Variants in ADTRP observed in about 807,000 individuals in gnomAD.
ADTRP encodes the protein androgen dependent TFPI regulating protein.
ADTRP carries 20 observed loss-of-function variants against 27.0 expected under a neutral mutation model. The observed-to-expected ratio is 0.74, with a 90% CI of 0.52 to 1.08. ADTRP has a LOEUF of 1.08. Ranked by LOEUF, ADTRP falls within the 50% of genes least tolerant of loss-of-function variation. The pLI is 0.00. For synonymous variants in ADTRP, 101 were observed against 105.2 expected, an observed-to-expected ratio of 0.96 and a Z score of 0.25; for missense variants, 251 against 275.0, an observed-to-expected ratio of 0.91 and a Z score of 0.62.
At chr6:11,722,886 G>A (rs1457963768) in intron 5 of ADTRP, among the ~76,000 whole-genome samples, 2 of 152,146 alleles carry the variant, frequency 1.3e-5, no homozygotes, top group African/African-American at 4.8e-5. Context: ...GCCTAATGAG[G>A]TACTGCTGAG....
chr6:11,735,712 T>C (rs886226430), intron 3 of ADTRP, 29 bp from the exon 4 acceptor site: 4 of 1,513,474 alleles, frequency 2.6e-6, no homozygotes, highest in African/African-American at 1.4e-5. Flanking sequence ...CAAATCAGAA[T>C]GGCAGGGTGT....
chr6:11,770,211 C>G (rs1763724280), intron 1 of ADTRP: 2 of 840,104 alleles, frequency 2.4e-6, no homozygotes, highest in South Asian at 1.5e-5. Context: ...CACAAACCAC[C>G]GCTGCCTGGT....
At chr6:11,717,847 A>G in intron 5 of ADTRP, among the ~76,000 whole-genome samples, 1 of 152,248 alleles carries the variant, frequency 6.6e-6, no homozygotes, top group East Asian at 1.9e-4. Context: ...AGGACAAGAA[A>G]GGCAAAATGG....
chr6:11,769,534 C>T (rs149306352), intron 1 of ADTRP, among the ~76,000 whole-genome samples: 1 of 152,108 alleles, frequency 6.6e-6, no homozygotes, highest in Non-Finnish European at 1.5e-5. Flanking sequence ...GAATCAAAAT[C>T]TCTGGAAATG....
intron 3 of ADTRP, chr6:11,754,962 C>T: frequency 2.2e-6 from 2 of 917,326 alleles, no homozygotes; most frequent in Non-Finnish European, 2.6e-6. Flanking sequence ...TGGCTCTTTC[C>T]TTCCACTTAG....
intron 3 of ADTRP, among the ~76,000 whole-genome samples, chr6:11,758,581 G>T (rs1001897258): frequency 2.5e-5 from 3 of 119,752 alleles, no homozygotes; most frequent in South Asian, 4.0e-4. Flanking sequence ...GGGGTGGGGG[G>T]GGGGGACGGA....
intron 1 of ADTRP, 125 bp from the exon 2 acceptor site, chr6:11,768,508 T>C: frequency 3.1e-6 from 4 of 1,299,940 alleles, no homozygotes; most frequent in Non-Finnish European, 4.2e-6. Flanking sequence ...TTGGGTTGTT[T>C]TGGTTGAGAG....
In ADTRP at chr6:11,714,505, C is replaced by A; in HGVS notation, c.666G>T (p.Met222Ile). The part of the protein sequence containing the change: ...EKLNHWKWGD[M>I]RQPRKKRK ...ACTTCCTCTTCTTCCGTGGCTGCCT[C>A]ATGTCACCTGTACAAACAAGAACAG... Residue 222 changes from methionine (M) to isoleucine (I), a missense_variant, in exon 6 of 6, where the codon ATG becomes ATT. Met to Ile is a conservative substitution (Grantham distance 10). Coordinates refer to ENST00000414691, the MANE Select transcript of ADTRP (RefSeq NM_032744.4). 1 of 1,613,764 alleles carries A rather than the reference C, an allele frequency of 6.2e-7. No individual in the cohort carries two copies. Among genetic ancestry groups the A allele is most frequent in the Non-Finnish European group, 8.5e-7 (1 of 1,179,912 alleles).
chr6:11,742,465 G>A (rs990411905), intron 3 of ADTRP, among the ~76,000 whole-genome samples: 1 of 152,158 alleles, frequency 6.6e-6, no homozygotes, highest in Non-Finnish European at 1.5e-5. Flanking sequence ...CAACCAGAAG[G>A]CTTACTGGGC....
At chr6:11,769,112 GC>G (rs1763674253) in intron 1 of ADTRP, among the ~76,000 whole-genome samples, 1 of 152,208 alleles carries the variant, frequency 6.6e-6, no homozygotes, top group South Asian at 2.1e-4. Flanking sequence ...TGGAAGGCAA[GC>G]TTTGTACATT....
chr6:11,769,812 ATTAT>A (rs1288525770), intron 1 of ADTRP, among the ~76,000 whole-genome samples: 1 of 152,206 alleles, frequency 6.6e-6, no homozygotes, highest in African/African-American at 2.4e-5. Context: ...GTAGAAAAAG[ATTAT>A]TTAATCTTTA....
chr6:11,751,663 G>A (rs1763060333), intron 3 of ADTRP, among the ~76,000 whole-genome samples: 2 of 152,054 alleles, frequency 1.3e-5, no homozygotes, highest in African/African-American at 2.4e-5. Flanking sequence ...CTTTTCCATT[G>A]CTTTTAGTAT....
At chr6:11,760,791 T>C (rs1763369795) in intron 3 of ADTRP, among the ~76,000 whole-genome samples, 1 of 152,174 alleles carries the variant, frequency 6.6e-6, no homozygotes, top group South Asian at 2.1e-4. Context: ...TCACAATCCT[T>C]GCACCTCCCA....
At chr6:11,732,133 G>A (rs1762409362) in intron 4 of ADTRP, among the ~76,000 whole-genome samples, 1 of 152,126 alleles carries the variant, frequency 6.6e-6, no homozygotes, top group Non-Finnish European at 1.5e-5. Context: ...TTCCCACTTA[G>A]GGGAGAGCTC....
intron 1 of ADTRP, among the ~76,000 whole-genome samples, chr6:11,773,219 AGAT>A (rs1190718553): frequency 3.3e-5 from 5 of 152,170 alleles, no homozygotes; most frequent in African/African-American, 1.2e-4. Flanking sequence ...AAGTGGAAGA[AGAT>A]GATGAGGAGA....
intron 4 of ADTRP, among the ~76,000 whole-genome samples, chr6:11,734,326 T>A (rs560679734): frequency 2.6e-5 from 4 of 152,250 alleles, no homozygotes; most frequent in Admixed American, 2.6e-4. Flanking sequence ...ACACAACTTT[T>A]TCTTGGTAAT....
At chr6:11,758,887 T>C (rs1763314239) in intron 3 of ADTRP, among the ~76,000 whole-genome samples, 1 of 152,144 alleles carries the variant, frequency 6.6e-6, no homozygotes, top group South Asian at 2.1e-4. Context: ...GTCTGCTCTG[T>C]GATAGTTCAG....
At chr6:11,730,797 G>A (rs527402581) in intron 4 of ADTRP, among the ~76,000 whole-genome samples, 1 of 152,334 alleles carries the variant, frequency 6.6e-6, no homozygotes, top group African/African-American at 2.4e-5. Flanking sequence ...TTTGTACGGG[G>A]CATGCAATAC....
intron 3 of ADTRP, among the ~76,000 whole-genome samples, chr6:11,755,328 T>A (rs1763181672): frequency 6.6e-6 from 1 of 152,180 alleles, no homozygotes; most frequent in Non-Finnish European, 1.5e-5. Context: ...AATAATGGAA[T>A]TTTAAAAATA....
Sources: allele counts gnomAD v4.1 joint callset (sites outside exome capture counted in the v4.1 genomes callset), GRCh38; gene constraint gnomAD v4.1.1; transcripts MANE v1.5; gene names NCBI Gene and HGNC (gene_info 2026-07-23, HGNC 2026-07-21).